The following CCSER1 variants were observed in gnomAD, a reference collection of about 807,000 sequenced individuals.
CCSER1 encodes serine-rich coiled-coil domain-containing protein 1.
Under a neutral mutation model 82.0 loss-of-function variants are expected in CCSER1, and 41 were observed. That is an observed-to-expected ratio of 0.50 (90% CI 0.39 to 0.65). The LOEUF (loss-of-function observed/expected upper bound fraction) is 0.65. Among genes scored for constraint, CCSER1 ranks in the 30% least tolerant of loss-of-function variants. CCSER1 has a pLI of 0.00. For missense variants in CCSER1, 1,119 were observed against 1,064.2 expected (o/e 1.05, Z -0.72); for synonymous variants, 414 against 383.9 (o/e 1.08, Z -0.92).
intron 5 of CCSER1, among the ~76,000 whole-genome samples, chr4:90,491,128 C>A (rs139835068): frequency 6.6e-6 from 1 of 151,776 alleles, no homozygotes; most frequent in South Asian, 2.1e-4. Context: ...GCCATTTTCA[C>A]GATATTGATT....
intron 10 of CCSER1, among the ~76,000 whole-genome samples, chr4:91,116,467 T>C (rs916812637): frequency 6.6e-6 from 1 of 152,208 alleles, no homozygotes; most frequent in African/African-American, 2.4e-5. Flanking sequence ...TTACTAGCTC[T>C]TGTAATAACA....
intron 1 of CCSER1, among the ~76,000 whole-genome samples, chr4:90,184,319 TG>T (rs1734223185): frequency 6.6e-6 from 1 of 152,102 alleles, no homozygotes; most frequent in South Asian, 2.1e-4. Flanking sequence ...CAGCCCCTGT[TG>T]GGAGTTGGCA....
At chr4:90,756,746 G>A (rs751190409) in intron 7 of CCSER1, among the ~76,000 whole-genome samples, 8 of 152,128 alleles carry the variant, frequency 5.3e-5, no homozygotes, top group African/African-American at 9.7e-5. Flanking sequence ...GACAAGAACC[G>A]TATACATATA....
Position 90,973,666 on chromosome 4 carries a change from C to T in CCSER1, c.2172+50219C>T, listed in dbSNP as rs1331928695. Among the ~76,000 whole-genome samples the T allele has an allele frequency of 1.3e-5, 2 of 151,582 alleles. 1 individual carries two copies. The highest frequency in any genetic ancestry group is 4.8e-5 in the African/African-American group (2 of 41,270). ...AGCAATCTTACTTCTGGGTATATAT[C>T]CAAAGGAAAGGAAATAAGTACGTCA... On this transcript the variant is annotated intron_variant, in intron 9 of 10. Coordinates refer to ENST00000509176, the MANE Select transcript of CCSER1 (RefSeq NM_001145065.2).
At chr4:90,861,982 G>A (rs1262846188) in intron 8 of CCSER1, among the ~76,000 whole-genome samples, 4 of 148,982 alleles carry the variant, frequency 2.7e-5, no homozygotes, top group Non-Finnish European at 5.9e-5. Context: ...TGGGATTGGA[G>A]TGGTAGGAGT....
At chr4:90,986,786 G>C (rs1221362514) in intron 9 of CCSER1, among the ~76,000 whole-genome samples, 1 of 151,734 alleles carries the variant, frequency 6.6e-6, no homozygotes, top group Non-Finnish European at 1.5e-5. Context: ...TCATTGGCAT[G>C]ATTATATTTA....
At chr4:90,912,658 G>A (rs1561350171) in intron 8 of CCSER1, among the ~76,000 whole-genome samples, 1 of 152,200 alleles carries the variant, frequency 6.6e-6, no homozygotes, top group Non-Finnish European at 1.5e-5. Context: ...GACGAGCTGA[G>A]AGAAGAAGGC....
intron 5 of CCSER1, among the ~76,000 whole-genome samples, chr4:90,605,166 C>T (rs1054977068): frequency 9.2e-5 from 14 of 152,264 alleles, no homozygotes; most frequent in African/African-American, 3.1e-4. Flanking sequence ...AAGGAAGAAA[C>T]TCCCGATACG....
chr4:91,542,725 T>C (rs969112858), intron 10 of CCSER1, among the ~76,000 whole-genome samples: 1 of 152,202 alleles, frequency 6.6e-6, no homozygotes, highest in Non-Finnish European at 1.5e-5. Flanking sequence ...CTTCCAACTA[T>C]GTGGTCAATT....
In CCSER1 at chr4:91,446,814, G is replaced by T. The variant is rs113390583; in HGVS notation, c.2218-151758G>T. ...AAATATTTTCTTATTAGATATTTAG[G>T]TTATTTCAGCTTTGCGGTTATGATG... On this transcript the variant is annotated intron_variant, in intron 10 of 10. Transcript: ENST00000509176. 5.0e-4 allele frequency among the ~76,000 whole-genome samples: 76 copies of T among 151,446 alleles called. 1 individual carries two copies. The highest frequency in any genetic ancestry group is 4.0e-3 in the South Asian group (19 of 4,790).
At chr4:91,144,574 A>C (rs1042211616) in intron 10 of CCSER1, among the ~76,000 whole-genome samples, 4 of 149,838 alleles carry the variant, frequency 2.7e-5, no homozygotes, top group African/African-American at 4.9e-5. Flanking sequence ...ACATCTTTCT[A>C]TCTTCTTGAT....
At chr4:90,437,306 G>A (rs573326082) in intron 4 of CCSER1, among the ~76,000 whole-genome samples, 8 of 151,782 alleles carry the variant, frequency 5.3e-5, no homozygotes, top group East Asian at 2.0e-4. Flanking sequence ...TATACACACA[G>A]ATATAGGTGT....
At chr4:90,794,630 C>T (rs1455447763) in intron 7 of CCSER1, among the ~76,000 whole-genome samples, 1 of 151,896 alleles carries the variant, frequency 6.6e-6, no homozygotes, top group Admixed American at 6.6e-5. Context: ...CTTACAATTG[C>T]CTTTGATATT....
intron 10 of CCSER1, among the ~76,000 whole-genome samples, chr4:91,203,763 G>C (rs763033893): frequency 9.9e-4 from 151 of 151,806 alleles, no homozygotes; most frequent in Non-Finnish European, 1.4e-3. Flanking sequence ...TTTGAATCAA[G>C]TGGCATATTT....
chr4:90,424,215 G>A (rs115905716), intron 4 of CCSER1, among the ~76,000 whole-genome samples: 208 of 151,942 alleles, frequency 1.4e-3, no homozygotes, highest in Non-Finnish European at 2.2e-3. Context: ...TAAAATGTGC[G>A]TCTTGCAAGT....
chr4:90,657,994 G>C (rs755066798), intron 6 of CCSER1, among the ~76,000 whole-genome samples: 4 of 152,066 alleles, frequency 2.6e-5, no homozygotes, highest in Non-Finnish European at 5.9e-5. Flanking sequence ...TCTCAGCTAT[G>C]TCAGGAGACT....
intron 1 of CCSER1, among the ~76,000 whole-genome samples, chr4:90,205,373 AC>A (rs1738599777): frequency 6.6e-6 from 1 of 152,128 alleles, no homozygotes; most frequent in Non-Finnish European, 1.5e-5. Flanking sequence ...TTCCCTCAAT[AC>A]CTAGTTTATT....
chr4:91,383,643 C>T (rs1751083882), intron 10 of CCSER1, among the ~76,000 whole-genome samples: 1 of 152,052 alleles, frequency 6.6e-6, no homozygotes, highest in Non-Finnish European at 1.5e-5. Context: ...CAACAGAAAA[C>T]ATTTGGCTTG....
intron 10 of CCSER1, among the ~76,000 whole-genome samples, chr4:91,185,644 G>A (rs1169590004): frequency 1.3e-5 from 2 of 152,186 alleles, no homozygotes; most frequent in African/African-American, 2.4e-5. Flanking sequence ...CCCAAAATCA[G>A]GTTCCCTTCT....
Sources: allele counts gnomAD v4.1 joint callset (sites outside exome capture counted in the v4.1 genomes callset), GRCh38; gene constraint gnomAD v4.1.1; transcripts MANE v1.5; gene names NCBI Gene and HGNC (gene_info 2026-07-23, HGNC 2026-07-21).